The following BCKDHB variants were observed in gnomAD, a reference collection of about 807,000 sequenced individuals.
BCKDHB encodes 2-oxoisovalerate dehydrogenase subunit beta, mitochondrial.
A neutral mutation model predicts 48.5 loss-of-function variants in BCKDHB; 41 were observed. The observed-to-expected ratio is 0.85, with a 90% CI of 0.66 to 1.10. BCKDHB has a LOEUF of 1.10. BCKDHB is among the 50% of genes least tolerant of loss of function. The probability of loss-of-function intolerance (pLI) is 0.00; values close to 1 mark genes in which losing one functional copy is unlikely to be tolerated. For synonymous variants in BCKDHB, 201 were observed against 174.8 expected (o/e 1.15, Z -1.18); for missense variants, 496 against 494.2 (o/e 1.00, Z -0.03).
chr6:80,227,516 G>C (rs1295307239), intron 8 of BCKDHB, among the ~76,000 whole-genome samples: 3 of 152,118 alleles, frequency 2.0e-5, no homozygotes, highest in Non-Finnish European at 4.4e-5. Flanking sequence ...AAGTATTTGG[G>C]TTCCAGTTTA....
intron 9 of BCKDHB, among the ~76,000 whole-genome samples, chr6:80,287,061 G>C (rs1766658385): frequency 6.6e-6 from 1 of 152,148 alleles, no homozygotes; most frequent in Non-Finnish European, 1.5e-5. Context: ...CTGGTGGGGA[G>C]TGAGTAGATT....
chr6:80,354,296 C>T, the BCKDHB span, among the ~76,000 whole-genome samples: 1 of 152,104 alleles, frequency 6.6e-6, no homozygotes, highest in Non-Finnish European at 1.5e-5. Flanking sequence ...GGGGTGATCT[C>T]GGCTCACTAC....
chr6:80,155,322 T>A (rs148764262), intron 3 of BCKDHB, among the ~76,000 whole-genome samples: 1 of 152,142 alleles, frequency 6.6e-6, no homozygotes, highest in Admixed American at 6.6e-5. Context: ...TTTGTGGCTG[T>A]GGTGCCAGAT....
In BCKDHB at chr6:80,129,228, T is replaced by C. The variant is rs398124573; in HGVS notation, c.342T>C (p.Tyr114=). 1.2e-6 allele frequency: 2 copies of C among 1,607,824 alleles called. No homozygotes were observed. Among genetic ancestry groups the C allele is most frequent in the South Asian group, 1.1e-5 (1 of 90,666 alleles). ...FRCTVGLRDK[Y]GKDRVFNTPL... ...GCACTGTTGGCTTGCGAGACAAATA[T>C]GGTAAGTAAATACCTATATGAATAG... Residue 114 remains tyrosine (Y), a splice_region_variant and synonymous_variant, in exon 3 of 10, where the codon TAT becomes TAC. Coordinates refer to ENST00000320393, the MANE Select transcript of BCKDHB (RefSeq NM_183050.4).
chr6:80,391,537 G>A, the BCKDHB span, among the ~76,000 whole-genome samples: 1 of 152,140 alleles, frequency 6.6e-6, no homozygotes, highest in Non-Finnish European at 1.5e-5. Context: ...ACTAGGAAGA[G>A]GCAACGAGTA....
chr6:80,146,459 G>A (rs1342369758), intron 3 of BCKDHB, among the ~76,000 whole-genome samples: 1 of 152,124 alleles, frequency 6.6e-6, no homozygotes, highest in Non-Finnish European at 1.5e-5. Flanking sequence ...TTGAACATAG[G>A]CATCTACTTT....
chr6:80,107,577 G>GCATATATATAAATTCATATATT (rs1769192720), intron 1 of BCKDHB, among the ~76,000 whole-genome samples: 1 of 129,528 alleles, frequency 7.7e-6, no homozygotes, highest in African/African-American at 3.7e-5. Flanking sequence ...ATGCATATAT[G>GCATATATATAAATTCATATATT]TATATATGTC....
intron 3 of BCKDHB, among the ~76,000 whole-genome samples, chr6:80,148,650 T>C (rs1771605675): frequency 6.6e-6 from 1 of 152,170 alleles, no homozygotes; most frequent in African/African-American, 2.4e-5. Flanking sequence ...AATAAAGCTC[T>C]GATCATAACA....
At chr6:80,260,981 C>A (rs1270099016) in intron 8 of BCKDHB, among the ~76,000 whole-genome samples, 1 of 152,192 alleles carries the variant, frequency 6.6e-6, no homozygotes, top group East Asian at 1.9e-4. Flanking sequence ...TCATAGTATT[C>A]AAAAAGAATA....
Position 80,345,683 on chromosome 6 carries a change from G to A in BCKDHB, c.*1879G>A, listed in dbSNP as rs1400962180. On this transcript the variant is annotated 3_prime_UTR_variant, in exon 10 of 10. Transcript: ENST00000320393. ...CTACAATAAATCACACTTAGAGCTG[G>A]TTAGAGGACTCCTTCACTTTTGTTG... 2.0e-5 allele frequency: 3 copies of A among 152,180 alleles called. No homozygotes were observed. The allele number at this position is 152,180 out of a possible 1,614,324, so 9.4% of individuals were successfully genotyped here.
chr6:80,106,807 C>T lies in BCKDHB; in HGVS notation c.114C>T (p.Pro38=). 1.2e-6 allele frequency: 2 copies of T among 1,605,612 alleles called. No individual in the cohort carries two copies. The highest frequency in any genetic ancestry group is 1.7e-6 in the Non-Finnish European group (2 of 1,176,926). Residue 38 remains proline, a synonymous_variant, in exon 1 of 10, where the codon CCC becomes CCT. Coordinates refer to ENST00000320393, the MANE Select transcript of BCKDHB (RefSeq NM_183050.4). ...GAGLARGFLH[P]AATVEDAAQR... is the part of the protein sequence containing the mutation. ...GGCTGGCGCGGGGCTTTTTGCACCCCGCCGCGACTGTCGAGGATGCGGCCC... is the reference window on the plus strand; with the variant it reads ...GGCTGGCGCGGGGCTTTTTGCACCCTGCCGCGACTGTCGAGGATGCGGCCC...
At chr6:80,107,512 CGCATATATATATATAT>C (rs1209296698) in intron 1 of BCKDHB, among the ~76,000 whole-genome samples, 25 of 28,794 alleles carry the variant, frequency 8.7e-4, no homozygotes, top group Admixed American at 6.5e-3. Context: ...TATATATGTG[CGCATATATATATATAT>C]GCATATATAT....
At chr6:80,181,730 C>T (rs1307623958) in intron 6 of BCKDHB, among the ~76,000 whole-genome samples, 2 of 152,188 alleles carry the variant, frequency 1.3e-5, no homozygotes, top group African/African-American at 4.8e-5. Flanking sequence ...CATACTGTCA[C>T]TTCTGCCATA....
intron 8 of BCKDHB, among the ~76,000 whole-genome samples, chr6:80,257,185 C>T (rs990769856): frequency 2.6e-5 from 4 of 152,002 alleles, no homozygotes; most frequent in Non-Finnish European, 5.9e-5. Context: ...AGTGAAAAAA[C>T]AGTCTGTCCT....
intron 9 of BCKDHB, among the ~76,000 whole-genome samples, chr6:80,290,927 C>T (rs1766877017): frequency 6.6e-6 from 1 of 152,166 alleles, no homozygotes; most frequent in Non-Finnish European, 1.5e-5. Flanking sequence ...CACTTGTAAA[C>T]TGTCATGGTG....
chr6:80,170,200 A>T (rs1355794600), intron 5 of BCKDHB, among the ~76,000 whole-genome samples: 1 of 152,108 alleles, frequency 6.6e-6, no homozygotes, highest in Admixed American at 6.6e-5. Flanking sequence ...AGAAAATAAA[A>T]TTTTTTATAC....
intron 9 of BCKDHB, among the ~76,000 whole-genome samples, chr6:80,293,912 A>C (rs1767077470): frequency 6.6e-6 from 1 of 152,126 alleles, no homozygotes; most frequent in African/African-American, 2.4e-5. Flanking sequence ...ACCATTTCCC[A>C]ACAAGTTCTT....
the BCKDHB span, among the ~76,000 whole-genome samples, chr6:80,359,140 T>A: frequency 6.6e-6 from 1 of 152,334 alleles, no homozygotes; most frequent in East Asian, 1.9e-4. Context: ...CCATCTTTTG[T>A]TCCTTGCGCA....
the BCKDHB span, among the ~76,000 whole-genome samples, chr6:80,413,293 C>A: frequency 6.6e-6 from 1 of 152,046 alleles, no homozygotes; most frequent in Non-Finnish European, 1.5e-5. Context: ...ATTCCACTCT[C>A]AACATCTTTT....
Sources: allele counts gnomAD v4.1 joint callset (sites outside exome capture counted in the v4.1 genomes callset), GRCh38; gene constraint gnomAD v4.1.1; transcripts MANE v1.5; gene names NCBI Gene and HGNC (gene_info 2026-07-23, HGNC 2026-07-21).